CTNNA2: variants seen among roughly 807,000 people sequenced by gnomAD.
The protein encoded by CTNNA2 is catenin alpha 2, also known as catenin alpha-2.
Under a neutral mutation model 101.0 loss-of-function variants are expected in CTNNA2, and 42 were observed. That is an observed-to-expected ratio of 0.42 (90% confidence interval 0.32 to 0.54). The LOEUF (loss-of-function observed/expected upper bound fraction) is 0.54. CTNNA2 is among the 20% of genes least tolerant of loss of function. The pLI is 0.14. For missense variants in CTNNA2, 871 were observed against 1,223.1 expected (o/e 0.71, Z 4.29); for synonymous variants, 450 against 456.4 (o/e 0.99, Z 0.18).
chr2:80,204,472 T>A (rs1288021319), intron 7 of CTNNA2, among the ~76,000 whole-genome samples: 1 of 152,218 alleles, frequency 6.6e-6, no homozygotes, highest in East Asian at 1.9e-4. Flanking sequence ...AGAGGCAAAA[T>A]GCCACCAGTC....
rs114530216 is a variant in CTNNA2 at position 79,459,509 on chromosome 2, G to T, written c.-134-45545G>T. ...GATAGCTACAATCAACTTGGATAAA[G>T]AATATATAATTTTAAATTCCTTTAG... On this transcript the variant is annotated intron_variant, in intron 4 of 21. Coordinates refer to the CTNNA2 transcript ENST00000466387. Among the ~76,000 whole-genome samples the T allele has an allele frequency of 4.6e-4, 70 of 152,062 alleles. 1 individual carries two copies. Among genetic ancestry groups the T allele is most frequent in the African/African-American group, 1.7e-3 (70 of 41,510 alleles).
chr2:79,367,718 A>G (rs1280429554), intron 3 of CTNNA2, among the ~76,000 whole-genome samples: 2 of 152,170 alleles, frequency 1.3e-5, no homozygotes, highest in African/African-American at 4.8e-5. Flanking sequence ...TGGAGACACC[A>G]GGTTGGCATT....
intron 3 of CTNNA2, among the ~76,000 whole-genome samples, chr2:79,785,525 C>T (rs1239095540): frequency 6.6e-6 from 1 of 152,158 alleles, no homozygotes; most frequent in African/African-American, 2.4e-5. Context: ...CTCTGCTGAT[C>T]TCACCCATGT....
intron 18 of CTNNA2, among the ~76,000 whole-genome samples, chr2:80,635,281 T>C (rs977585685): frequency 6.6e-6 from 1 of 152,146 alleles, no homozygotes; most frequent in African/African-American, 2.4e-5. Context: ...CATTATTCTG[T>C]GTCAACTCAA....
At chr2:80,095,542 C>A (rs953919171) in intron 7 of CTNNA2, among the ~76,000 whole-genome samples, 2 of 152,192 alleles carry the variant, frequency 1.3e-5, no homozygotes, top group Non-Finnish European at 2.9e-5. Context: ...AGGATTCCCT[C>A]TTTTTCTATT....
intron 4 of CTNNA2, among the ~76,000 whole-genome samples, chr2:79,382,835 C>T (rs568914728): frequency 7.2e-5 from 11 of 152,194 alleles, no homozygotes; most frequent in Middle Eastern, 6.8e-3. Flanking sequence ...AGAATGGTCT[C>T]GATTTCCTGA....
chr2:80,176,427 G>T (rs564019052), intron 7 of CTNNA2, among the ~76,000 whole-genome samples: 48 of 152,268 alleles, frequency 3.2e-4, no homozygotes, highest in African/African-American at 1.1e-3. Context: ...AAAATAGAGA[G>T]GAAATACGAC....
At chr2:79,707,320 A>G (rs1338775237) in intron 2 of CTNNA2, among the ~76,000 whole-genome samples, 3 of 152,204 alleles carry the variant, frequency 2.0e-5, no homozygotes, top group African/African-American at 7.2e-5. Flanking sequence ...TCCATATTGT[A>G]TATGGGTAAT....
At chr2:80,532,470 T>G (rs1163976197) in intron 9 of CTNNA2, among the ~76,000 whole-genome samples, 1 of 152,148 alleles carries the variant, frequency 6.6e-6, no homozygotes, top group Non-Finnish European at 1.5e-5. Context: ...GTGCTTATGT[T>G]CAATTAACCC....
At chr2:80,531,161 G>T (rs1690505987) in intron 9 of CTNNA2, among the ~76,000 whole-genome samples, 2 of 152,174 alleles carry the variant, frequency 1.3e-5, no homozygotes, top group Admixed American at 6.5e-5. Flanking sequence ...ACAGCAGTCA[G>T]GTTGTCTCCC....
intron 3 of CTNNA2, among the ~76,000 whole-genome samples, chr2:79,331,752 C>T (rs1242124104): frequency 6.6e-6 from 1 of 152,140 alleles, no homozygotes; most frequent in African/African-American, 2.4e-5. Context: ...CACAACCCTA[C>T]ATATAAAAGC....
rs72926607 is a variant in CTNNA2 at position 80,122,086 on chromosome 2, C to T, written c.1056+212289C>T. Among the ~76,000 whole-genome samples the T allele has an allele frequency of 9.4e-3, 1,436 of 152,228 alleles. 21 individuals carry two copies. Among genetic ancestry groups the T allele is most frequent in the African/African-American group, 0.033 (1,362 of 41,542 alleles). On this transcript the variant is annotated intron_variant, in intron 7 of 18. Coordinates refer to ENST00000402739, the MANE Select transcript of CTNNA2 (RefSeq NM_001282597.3). ...TTTGACTGCTAAGAATCACTCAGGA[C>T]GCTTGATAAATTCACAGATGGCTCA...
At chr2:80,101,452 A>T (rs1410599477) in intron 7 of CTNNA2, among the ~76,000 whole-genome samples, 1 of 152,036 alleles carries the variant, frequency 6.6e-6, no homozygotes, top group Non-Finnish European at 1.5e-5. Context: ...ACTTGAGCTG[A>T]TTCTTTTTTA....
intron 2 of CTNNA2, among the ~76,000 whole-genome samples, chr2:79,722,698 A>G (rs945991756): frequency 1.4e-4 from 22 of 152,168 alleles, no homozygotes; most frequent in African/African-American, 5.3e-4. Context: ...CCCCACCACT[A>G]GACGGAATTG....
chr2:79,676,117 A>G (rs1320582335), intron 2 of CTNNA2, among the ~76,000 whole-genome samples: 1 of 152,136 alleles, frequency 6.6e-6, no homozygotes. Context: ...TTCATATTAC[A>G]ATGGCTGACT....
At chr2:80,379,641 G>A (rs1676313640) in intron 7 of CTNNA2, among the ~76,000 whole-genome samples, 3 of 152,162 alleles carry the variant, frequency 2.0e-5, no homozygotes. Context: ...AAGGAAATAT[G>A]AAAATACAGA....
chr2:80,301,557 G>A (rs1443499074), intron 7 of CTNNA2, among the ~76,000 whole-genome samples: 2 of 152,234 alleles, frequency 1.3e-5, no homozygotes, highest in Non-Finnish European at 2.9e-5. Context: ...TTTAAAGGCT[G>A]AGTAAGGGTG....
intron 2 of CTNNA2, among the ~76,000 whole-genome samples, chr2:79,676,794 AG>A (rs769064981): frequency 5.3e-5 from 8 of 152,236 alleles, no homozygotes; most frequent in Admixed American, 1.3e-4. Flanking sequence ...ATTCATTCTG[AG>A]ATGTGAGAAA....
intron 7 of CTNNA2, among the ~76,000 whole-genome samples, chr2:80,107,808 C>A (rs1322164102): frequency 2.0e-5 from 3 of 152,176 alleles, no homozygotes; most frequent in African/African-American, 7.2e-5. Context: ...TGCAGACACC[C>A]CACCTGGGCA....
Sources: allele counts gnomAD v4.1 joint callset (sites outside exome capture counted in the v4.1 genomes callset), GRCh38; gene constraint gnomAD v4.1.1; transcripts MANE v1.5; gene names NCBI Gene and HGNC (gene_info 2026-07-23, HGNC 2026-07-21).